The following PARD3B variants were observed in gnomAD, a reference collection of about 807,000 sequenced individuals.
PARD3B encodes the protein par-3 family cell polarity regulator beta.
A neutral mutation model predicts 130.2 loss-of-function variants in PARD3B; 103 were observed. That is an observed-to-expected ratio of 0.79 (90% CI 0.67 to 0.93). The LOEUF (loss-of-function observed/expected upper bound fraction) is 0.93. Ranked by LOEUF, PARD3B falls within the 40% of genes least tolerant of loss-of-function variation. The probability of loss-of-function intolerance (pLI) is 0.00; values close to 1 mark genes in which losing one functional copy is unlikely to be tolerated. For synonymous variants in PARD3B, 583 were observed against 553.2 expected (o/e 1.05, Z -0.76); for missense variants, 1,609 against 1,499.2 (o/e 1.07, Z -1.21).
At chr2:205,493,746 A>C (rs2049819349) in intron 20 of PARD3B, among the ~76,000 whole-genome samples, 1 of 145,096 alleles carries the variant, frequency 6.9e-6, no homozygotes, top group African/African-American at 2.5e-5. Context: ...TTATTTATTT[A>C]TTTATTTATT....
chr2:205,380,946 T>TATATAAAGAATATATATA (rs1559035067), intron 18 of PARD3B, among the ~76,000 whole-genome samples: 1 of 70,562 alleles, frequency 1.4e-5, no homozygotes, highest in African/African-American at 8.3e-5. Context: ...ATATATATAA[T>TATATAAAGAATATATATA]ATATAATGTA....
chr2:204,972,266 T>G (rs1691780031), intron 3 of PARD3B, among the ~76,000 whole-genome samples: 1 of 152,176 alleles, frequency 6.6e-6, no homozygotes, highest in African/African-American at 2.4e-5. Context: ...AGTTGATCAC[T>G]TCCTACCATT....
chr2:205,197,023 TG>T lies in PARD3B; in HGVS notation c.2140+3713del, dbSNP rs5837962. Reference sequence around the variant, plus strand: ...AGATGAAACAGGAATGCTTCCACTGTGGGGGGGGGGTGTGTGTGTGTGTGTG... The same window carrying T: ...AGATGAAACAGGAATGCTTCCACTGTGGGGGGGGGTGTGTGTGTGTGTGTG... On this transcript the variant is annotated intron_variant, in intron 15 of 22. Coordinates refer to ENST00000406610, the MANE Select transcript of PARD3B (RefSeq NM_001302769.2). 3.3e-4 allele frequency among the ~76,000 whole-genome samples: 43 copies of T among 130,760 alleles called. 1 individual carries two copies. The highest frequency in any genetic ancestry group is 2.9e-3 in the South Asian group (11 of 3,848). 85.8% of individuals were successfully genotyped at this position (130,760 alleles called of 152,430 possible). A position where few individuals can be genotyped will look rare whatever the true frequency, so the allele number is the denominator to read the frequency against.
chr2:204,869,700 G>A (rs1342236397), intron 2 of PARD3B, among the ~76,000 whole-genome samples: 1 of 151,874 alleles, frequency 6.6e-6, no homozygotes, highest in African/African-American at 2.4e-5. Flanking sequence ...GAGACATGGA[G>A]GTAATGAATA....
At chr2:205,114,239 C>T (rs185332998) in intron 6 of PARD3B, among the ~76,000 whole-genome samples, 2 of 152,058 alleles carry the variant, frequency 1.3e-5, no homozygotes, top group African/African-American at 4.8e-5. Flanking sequence ...GGATTTAAAA[C>T]TTGTTCTCTT....
chr2:205,308,273 G>A (rs911700865), intron 18 of PARD3B, among the ~76,000 whole-genome samples: 6 of 152,084 alleles, frequency 3.9e-5, no homozygotes, highest in Admixed American at 2.0e-4. Context: ...ATAAAGGAAG[G>A]AAGGATAAAA....
intron 2 of PARD3B, among the ~76,000 whole-genome samples, chr2:204,763,427 A>G (rs1384173302): frequency 6.7e-6 from 1 of 149,680 alleles, no homozygotes; most frequent in African/African-American, 2.6e-5. Flanking sequence ...TGCCTAAATA[A>G]ATTAGCTTCC....
intron 21 of PARD3B, among the ~76,000 whole-genome samples, chr2:205,524,747 T>C (rs754009802): frequency 1.3e-4 from 20 of 152,026 alleles, no homozygotes; most frequent in Non-Finnish European, 2.5e-4. Flanking sequence ...TCTCATAACC[T>C]CTCCTCCAGC....
At chr2:205,318,971 AC>A (rs1194173541) in intron 18 of PARD3B, among the ~76,000 whole-genome samples, 9 of 152,136 alleles carry the variant, frequency 5.9e-5, no homozygotes, top group African/African-American at 1.9e-4. Context: ...ACCACATCTT[AC>A]CATTTTTGTG....
intron 22 of PARD3B, among the ~76,000 whole-genome samples, chr2:205,613,186 G>A (rs767849165): frequency 7.9e-5 from 12 of 152,186 alleles, no homozygotes; most frequent in Non-Finnish European, 1.5e-4. Context: ...TCCGGAGGGA[G>A]GGCTGGTTGT....
intron 2 of PARD3B, among the ~76,000 whole-genome samples, chr2:204,812,718 C>T (rs953048301): frequency 2.0e-5 from 3 of 152,138 alleles, no homozygotes; most frequent in Admixed American, 2.0e-4. Context: ...TCCTAGTGCA[C>T]GTGCTACAGC....
intron 2 of PARD3B, among the ~76,000 whole-genome samples, chr2:204,692,517 G>T (rs1382677503): frequency 1.3e-5 from 2 of 151,210 alleles, no homozygotes; most frequent in Non-Finnish European, 3.0e-5. Flanking sequence ...TTTTTTTAAA[G>T]GTCCTGATTT....
At chr2:204,746,530 A>G (rs2040236551) in intron 2 of PARD3B, among the ~76,000 whole-genome samples, 1 of 152,078 alleles carries the variant, frequency 6.6e-6, no homozygotes, top group African/African-American at 2.4e-5. Flanking sequence ...TGGTATTTCT[A>G]GTTCTAGATC....
intron 20 of PARD3B, among the ~76,000 whole-genome samples, chr2:205,478,196 G>C (rs2049093946): frequency 6.6e-6 from 1 of 152,198 alleles, no homozygotes. Context: ...GTAAAGCCTT[G>C]AAGTAAACTG....
intron 18 of PARD3B, among the ~76,000 whole-genome samples, chr2:205,400,415 C>A (rs1000302946): frequency 9.2e-5 from 14 of 152,030 alleles, no homozygotes; most frequent in Admixed American, 8.5e-4. Context: ...CCAAGGTGGG[C>A]AGATCACTTG....
intron 20 of PARD3B, among the ~76,000 whole-genome samples, chr2:205,497,000 A>G (rs2049951413): frequency 6.6e-6 from 1 of 152,018 alleles, no homozygotes; most frequent in Admixed American, 6.6e-5. Context: ...TACAGACACC[A>G]TGGTCATCTC....
intron 18 of PARD3B, among the ~76,000 whole-genome samples, chr2:205,396,305 G>A (rs849230): frequency 0.88 from 133,585 of 152,300 alleles, 59,070 homozygotes; most frequent in East Asian, 0.97. Context: ...TCCTCTGTTA[G>A]AATGTAAATT....
intron 2 of PARD3B, among the ~76,000 whole-genome samples, chr2:204,753,541 TACTTG>T (rs72331465): frequency 0.25 from 38,013 of 151,818 alleles, 5,536 homozygotes; most frequent in African/African-American, 0.41. Context: ...CCAAATCTGG[TACTTG>T]ACTGATTTGA....
At chr2:205,164,318 A>C (rs1024246163) in intron 11 of PARD3B, among the ~76,000 whole-genome samples, 7 of 152,194 alleles carry the variant, frequency 4.6e-5, no homozygotes, top group African/African-American at 1.7e-4. Flanking sequence ...TAAAATCTCA[A>C]AGTAGCTGGC....
Sources: gnomAD v4.1 joint callset for allele counts (sites outside exome capture counted in the v4.1 genomes callset) on GRCh38, gnomAD v4.1.1 for gene constraint, MANE v1.5 for transcripts, NCBI Gene and HGNC (gene_info 2026-07-23, HGNC 2026-07-21) for gene names.